DGKB: variants seen among roughly 807,000 people sequenced by gnomAD.
The protein encoded by DGKB is 90 kDa diacylglycerol kinase.
DGKB carries 67 observed loss-of-function variants against 114.3 expected under a neutral mutation model. That is an observed-to-expected ratio of 0.59 (90% confidence interval 0.48 to 0.72). DGKB has a LOEUF of 0.72. Among genes scored for constraint, DGKB ranks in the 30% least tolerant of loss-of-function variants. The pLI, the probability that DGKB is intolerant of heterozygous loss-of-function variation, is 0.00. For missense variants in DGKB, 907 were observed against 975.2 expected, an observed-to-expected ratio of 0.93 and a Z score of 0.93; for synonymous variants, 398 against 323.1, an observed-to-expected ratio of 1.23 and a Z score of -2.49.
intron 19 of DGKB, among the ~76,000 whole-genome samples, chr7:14,579,480 C>T (rs1245265017): frequency 6.6e-6 from 1 of 152,058 alleles, no homozygotes; most frequent in African/African-American, 2.4e-5. Flanking sequence ...ATATATGTTC[C>T]AGGAGAACAT....
intron 20 of DGKB, among the ~76,000 whole-genome samples, chr7:14,553,132 T>C (rs1795351492): frequency 6.6e-6 from 1 of 152,256 alleles, no homozygotes; most frequent in Non-Finnish European, 1.5e-5. Flanking sequence ...GATGAATTCA[T>C]TCTACAAAAT....
chr7:14,310,216 G>A (rs1805148572), intron 23 of DGKB, among the ~76,000 whole-genome samples: 1 of 152,162 alleles, frequency 6.6e-6, no homozygotes, highest in South Asian at 2.1e-4. Flanking sequence ...AATATAAAGA[G>A]TGTGTTGTGG....
chr7:14,574,982 C>G (rs1440810318), intron 19 of DGKB, among the ~76,000 whole-genome samples: 1 of 151,948 alleles, frequency 6.6e-6, no homozygotes, highest in Non-Finnish European at 1.5e-5. Flanking sequence ...TACTACTTCC[C>G]AGTGCTGCTG....
chr7:14,242,636 G>A (rs563022441), intron 23 of DGKB, among the ~76,000 whole-genome samples: 1 of 152,174 alleles, frequency 6.6e-6, no homozygotes, highest in South Asian at 2.1e-4. Flanking sequence ...ATTACAACCT[G>A]AAGGGAGAAA....
At chr7:14,708,651 A>T (rs2128327510) in intron 6 of DGKB, among the ~76,000 whole-genome samples, 1 of 151,804 alleles carries the variant, frequency 6.6e-6, no homozygotes, top group Middle Eastern at 3.4e-3. Context: ...AGCCCTCAGA[A>T]ATAACGCCGC....
At chr7:14,699,454 A>G (rs921399306) in intron 7 of DGKB, among the ~76,000 whole-genome samples, 7 of 152,168 alleles carry the variant, frequency 4.6e-5, no homozygotes, top group Non-Finnish European at 1.0e-4. Context: ...TCTCGTTGGT[A>G]AAATAGCTAC....
chr7:14,881,100 A>G (rs1313984576), intron 1 of DGKB, among the ~76,000 whole-genome samples: 1 of 152,186 alleles, frequency 6.6e-6, no homozygotes, highest in East Asian at 1.9e-4. Flanking sequence ...GACAATTTAT[A>G]AGAAACCATT....
chr7:14,699,064 G>C (rs978236261), intron 7 of DGKB, among the ~76,000 whole-genome samples: 4 of 151,828 alleles, frequency 2.6e-5, no homozygotes, highest in African/African-American at 9.7e-5. Flanking sequence ...CGATAAAACA[G>C]ATTCTCTTTT....
chr7:14,953,516 A>G lies in DGKB; in HGVS notation c.-188+21180T>C, dbSNP rs914839231. On this transcript the variant is annotated intron_variant, in intron 1 of 4. Coordinates refer to the DGKB transcript ENST00000437998. ...CACAATGAGATATCACTTCCCACAC[A>G]CGAGGATGATTATAATAAAGACAGG... 3.9e-5 allele frequency among the ~76,000 whole-genome samples: 6 copies of G among 152,166 alleles called. No homozygotes were observed. The South Asian group carries it at 1.2e-3, about 32-fold the overall frequency.
At chr7:14,645,328 C>T (rs906583804) in intron 13 of DGKB, among the ~76,000 whole-genome samples, 44 of 152,160 alleles carry the variant, frequency 2.9e-4, no homozygotes, top group African/African-American at 1.0e-3. Context: ...AATCCTTGAA[C>T]TGCAGGAGCA....
chr7:14,666,240 A>C (rs1361449621), intron 13 of DGKB, among the ~76,000 whole-genome samples: 1 of 151,978 alleles, frequency 6.6e-6, no homozygotes, highest in Non-Finnish European at 1.5e-5. Context: ...TTTTTTTGTT[A>C]AAATAGGGAG....
At chr7:14,223,594 C>CT (rs1790333524) in intron 23 of DGKB, among the ~76,000 whole-genome samples, 4 of 151,384 alleles carry the variant, frequency 2.6e-5, no homozygotes, top group Non-Finnish European at 5.9e-5. Flanking sequence ...TATATCAGTG[C>CT]CTTTTGTATT....
At chr7:14,205,450 A>AAGTT (rs1414042315) in intron 23 of DGKB, among the ~76,000 whole-genome samples, 1 of 151,902 alleles carries the variant, frequency 6.6e-6, no homozygotes. Context: ...CTGGGAGCAG[A>AAGTT]AGTTATACAT....
intron 23 of DGKB, among the ~76,000 whole-genome samples, chr7:14,180,963 T>A (rs1782552574): frequency 6.6e-6 from 1 of 152,148 alleles, no homozygotes; most frequent in South Asian, 2.1e-4. Flanking sequence ...TATTTAAGAG[T>A]GTGAGCAGCA....
intron 12 of DGKB, among the ~76,000 whole-genome samples, chr7:14,679,399 G>T (rs1480891239): frequency 6.6e-6 from 1 of 151,882 alleles, no homozygotes; most frequent in Non-Finnish European, 1.5e-5. Flanking sequence ...GTCTAAACTG[G>T]TTACATAAAT....
chr7:14,532,031 T>G (rs1036497609), intron 20 of DGKB, among the ~76,000 whole-genome samples: 2 of 151,268 alleles, frequency 1.3e-5, no homozygotes, highest in East Asian at 3.9e-4. Context: ...CAATGAATCC[T>G]ACATCCAAAT....
At chr7:14,279,074 G>A (rs113798123) in intron 23 of DGKB, among the ~76,000 whole-genome samples, 10,146 of 152,200 alleles carry the variant, frequency 0.067, 1,107 homozygotes, top group African/African-American at 0.23. Flanking sequence ...CTCAGGAAGC[G>A]CAAGGGGTCA....
chr7:14,554,845 A>AT (rs1379468866), intron 20 of DGKB, among the ~76,000 whole-genome samples: 1 of 152,072 alleles, frequency 6.6e-6, no homozygotes, highest in Non-Finnish European at 1.5e-5. Flanking sequence ...TTACATGCTT[A>AT]TTTTTTAAAC....
At chr7:14,767,680 TA>T (rs1836669616) in intron 2 of DGKB, among the ~76,000 whole-genome samples, 1 of 152,108 alleles carries the variant, frequency 6.6e-6, no homozygotes, top group Middle Eastern at 3.4e-3. Context: ...AGAAATTGTA[TA>T]TTTTTTTGTG....
Sources: allele counts gnomAD v4.1 joint callset (sites outside exome capture counted in the v4.1 genomes callset), GRCh38; gene constraint gnomAD v4.1.1; transcripts MANE v1.5; gene names NCBI Gene and HGNC (gene_info 2026-07-23, HGNC 2026-07-21).